The following NR1H3 variants were observed in gnomAD, a reference collection of about 807,000 sequenced individuals.
NR1H3 encodes oxysterols receptor LXR-alpha.
NR1H3 carries 19 observed loss-of-function variants against 48.1 expected under a neutral mutation model. The ratio of observed to expected loss-of-function variants is 0.40; its 90% CI spans 0.28 to 0.58. The LOEUF (loss-of-function observed/expected upper bound fraction) is 0.58. NR1H3 is among the 20% of genes least tolerant of loss of function. The probability of loss-of-function intolerance (pLI) is 0.50; values close to 1 mark genes in which losing one functional copy is unlikely to be tolerated. For synonymous variants in NR1H3, 232 were observed against 227.3 expected (o/e 1.02, Z -0.19); for missense variants, 486 against 595.9 (o/e 0.82, Z 1.92).
upstream of NR1H3, among the ~76,000 whole-genome samples, chr11:47,254,648 G>C (rs1954926471): frequency 1.3e-5 from 2 of 152,066 alleles, no homozygotes; most frequent in African/African-American, 4.8e-5. Context: ...CTGAGATGGG[G>C]GTGTCACAGG....
At chr11:47,268,131 G>A in intron 8 of NR1H3, 105 bp downstream of exon 8, 1 of 1,162,282 alleles carries the variant, frequency 8.6e-7, no homozygotes. Flanking sequence ...TGGGAGGGTG[G>A]AGGCATTTGC....
rs1565194504 is a variant in NR1H3 at position 47,261,965 on chromosome 11, G to GT, written c.936dup (p.Ile313TyrfsTer10). 1 of 1,614,196 alleles carries GT rather than the reference G, an allele frequency of 6.2e-7. No individual in the cohort carries two copies. On this transcript the variant is annotated frameshift_variant, in exon 7 of 10. Coordinates refer to ENST00000441012, the MANE Select transcript of NR1H3 (RefSeq NM_005693.4). LOFTEE classifies it high-confidence loss of function. ...CGGAGGTACAACCCTGGGAGTGAGA[G>GT]TATCACCTTCCTCAAGGATTTCAGT... is the stretch of plus-strand genomic sequence containing the variant.
chr11:47,261,350 G>C lies in NR1H3; in HGVS notation c.609G>C (p.Leu203=), dbSNP rs749531069. 1.8e-5 allele frequency: 29 copies of C among 1,613,602 alleles called. No homozygotes were observed. Among genetic ancestry groups the C allele is most frequent in the Non-Finnish European group, 2.3e-5 (27 of 1,179,948 alleles). ...GGGCTTCCTCACCCCCCCAAATCCT[G>C]CCCCAGCTCAGCCCGGAACAACTGG... ...PPRASSPPQI[L]PQLSPEQLGM... is the part of the protein sequence containing the mutation. Residue 203 remains leucine (L), a synonymous_variant, in exon 5 of 10, where the codon CTG becomes CTC. Transcript: ENST00000441012.
chr11:47,254,894 C>A (rs1954948144), upstream of NR1H3, among the ~76,000 whole-genome samples: 2 of 152,188 alleles, frequency 1.3e-5, no homozygotes, highest in Admixed American at 1.3e-4. Flanking sequence ...GTGTTCTCTT[C>A]CCTGGTGCCC....
upstream of NR1H3, chr11:47,248,365 G>C (rs1331340405): frequency 7.3e-7 from 1 of 1,375,830 alleles, no homozygotes; most frequent in African/African-American, 1.4e-5. Context: ...GGTAGGAAGG[G>C]AAAAGAGAAG....
intron 9 of NR1H3, 61 bp from the exon 10 acceptor site, chr11:47,268,489 A>C (rs1957468089): frequency 6.2e-7 from 1 of 1,606,898 alleles, no homozygotes; most frequent in African/African-American, 1.3e-5. Context: ...CAACTCCCCT[A>C]CTCTTGCCCC....
chr11:47,259,324 C>T (rs1254072538), intron 2 of NR1H3, 65 bp downstream of exon 2: 1 of 1,609,706 alleles, frequency 6.2e-7, no homozygotes. Flanking sequence ...CTGTAGGAAT[C>T]AGCCTCCTTC....
intron 5 of NR1H3, 22 bp downstream of exon 5, chr11:47,261,471 A>T (rs1268113425): frequency 6.2e-7 from 1 of 1,611,886 alleles, no homozygotes; most frequent in Non-Finnish European, 8.5e-7. Context: ...ACCTGGGGAG[A>T]GGCGGCTGCG....
chr11:47,267,904 C>A lies in NR1H3; in HGVS notation c.989-9C>A. 6.2e-7 allele frequency: 1 copy of A among 1,605,566 alleles called. No individual in the cohort carries two copies. The highest frequency in any genetic ancestry group is 8.5e-7 in the Non-Finnish European group (1 of 1,172,338). On this transcript the variant is annotated splice_polypyrimidine_tract_variant and intron_variant, in intron 7 of 9. Coordinates refer to ENST00000441012, the MANE Select transcript of NR1H3 (RefSeq NM_005693.4). ...GCTGCTTGCGTCAGCCTCCCTTCTT[C>A]CTCCCCAGGGCTGCAAGTGGAATTC...
At chr11:47,250,527 T>C (rs551021224) in intron 1 of NR1H3, 1 of 152,356 alleles carries the variant, frequency 6.6e-6, no homozygotes, top group African/African-American at 2.4e-5. Flanking sequence ...AGAGTTGTCA[T>C]GGAGGAGGCC....
chr11:47,255,853 G>A (rs1955123493), upstream of NR1H3, among the ~76,000 whole-genome samples: 1 of 151,308 alleles, frequency 6.6e-6, no homozygotes, highest in African/African-American at 2.4e-5. Flanking sequence ...ATTTTTAGTA[G>A]TGATGGGGTT....
At chr11:47,256,321 G>A (rs1014215722), upstream of NR1H3, among the ~76,000 whole-genome samples, 4 of 152,228 alleles carry the variant, frequency 2.6e-5, no homozygotes, top group South Asian at 2.1e-4. Context: ...GATTACAGGC[G>A]TGAGCCACCG....
chr11:47,255,607 C>T (rs977419864), upstream of NR1H3, among the ~76,000 whole-genome samples: 44 of 119,926 alleles, frequency 3.7e-4, no homozygotes, highest in African/African-American at 1.5e-3. Flanking sequence ...CTCTCTCTCT[C>T]TCTCTCTCTC....
chr11:47,263,951 G>A (rs769095047), intron 7 of NR1H3, among the ~76,000 whole-genome samples: 1 of 152,068 alleles, frequency 6.6e-6, no homozygotes, highest in Non-Finnish European at 1.5e-5. Context: ...CAGAACCATG[G>A]CATGGCAAAC....
At chr11:47,259,103 A>G in intron 1 of NR1H3, 77 bp from the exon 2 acceptor site, 1 of 1,593,682 alleles carries the variant, frequency 6.3e-7, no homozygotes, top group African/African-American at 1.3e-5. Flanking sequence ...GATAAAAGGG[A>G]GGATCAGGTG....
chr11:47,248,967 C>T (rs1280546416), exon 1 of NR1H3: 6 of 1,521,094 alleles, frequency 3.9e-6, no homozygotes, highest in Admixed American at 4.0e-5. Flanking sequence ...GCAGGAGGGT[C>T]GTGGTCTGGC....
At chr11:47,253,102 G>A (rs1007822950), upstream of NR1H3, among the ~76,000 whole-genome samples, 1 of 109,286 alleles carries the variant, frequency 9.2e-6, no homozygotes, top group African/African-American at 4.0e-5. Flanking sequence ...GGGACTACAG[G>A]CAGATGCCAC....
intron 4 of NR1H3, 104 bp downstream of exon 4, chr11:47,260,779 A>C: frequency 1.5e-6 from 2 of 1,364,800 alleles, no homozygotes; most frequent in Non-Finnish European, 2.0e-6. Flanking sequence ...CTGATCCCTA[A>C]GTATGGATCC....
In NR1H3 at chr11:47,268,893, C is replaced by G; in HGVS notation, c.*197C>G. The G allele has an allele frequency of 1.6e-6, 1 of 641,404 alleles. No homozygotes were observed. Among genetic ancestry groups the G allele is most frequent in the South Asian group, 2.0e-5 (1 of 50,564 alleles). 39.7% of individuals were successfully genotyped at this position (641,404 alleles called of 1,614,324 possible). A position where few individuals can be genotyped will look rare whatever the true frequency, so the allele number is the denominator to read the frequency against. On this transcript the variant is annotated 3_prime_UTR_variant, in exon 10 of 10. Coordinates refer to ENST00000441012, the MANE Select transcript of NR1H3 (RefSeq NM_005693.4). ...CAGTGGAGCCCTCGCTAACACTGTGCTGTGTCTGAAGATCATGCTGACCCC... is the reference window on the plus strand; with the variant it reads ...CAGTGGAGCCCTCGCTAACACTGTGGTGTGTCTGAAGATCATGCTGACCCC...
Sources: gnomAD v4.1 joint callset for allele counts (sites outside exome capture counted in the v4.1 genomes callset) on GRCh38, gnomAD v4.1.1 for gene constraint, MANE v1.5 for transcripts, NCBI Gene and HGNC (gene_info 2026-07-23, HGNC 2026-07-21) for gene names.